The following RIC1 variants were observed in gnomAD, a reference collection of about 807,000 sequenced individuals.
The protein encoded by RIC1 is guanine nucleotide exchange factor subunit RIC1.
Under a neutral mutation model 169.0 loss-of-function variants are expected in RIC1, and 88 were observed. That is an observed-to-expected ratio of 0.52 (90% CI 0.44 to 0.62). The LOEUF is 0.62. RIC1 is among the 20% of genes least tolerant of loss of function. The pLI, the probability that RIC1 is intolerant of heterozygous loss-of-function variation, is 0.00. For missense variants in RIC1, 1,877 were observed against 1,725.5 expected (o/e 1.09, Z -1.56); for synonymous variants, 790 against 601.5 (o/e 1.31, Z -4.59).
chr9:5,764,563 A>T (rs1338755388), intron 19 of RIC1, among the ~76,000 whole-genome samples: 2 of 152,242 alleles, frequency 1.3e-5, no homozygotes, highest in Non-Finnish European at 2.9e-5. Context: ...TAAGAAGCTA[A>T]CCATAAACCT....
intron 6 of RIC1, among the ~76,000 whole-genome samples, chr9:5,732,129 T>G (rs1338932985): frequency 1.3e-5 from 2 of 152,198 alleles, no homozygotes; most frequent in Non-Finnish European, 2.9e-5. Flanking sequence ...TATTTTAGTG[T>G]TTTTTAAATA....
At chr9:5,683,015 C>T (rs2130657562) in intron 2 of RIC1, among the ~76,000 whole-genome samples, 1 of 152,356 alleles carries the variant, frequency 6.6e-6, no homozygotes, top group East Asian at 1.9e-4. Context: ...TCAGCTCCAT[C>T]AGGTCCTTTA....
Position 5,686,895 on chromosome 9 carries a change from T to C in RIC1, c.253-3064T>C, listed in dbSNP as rs184813241. On this transcript the variant is annotated intron_variant, in intron 2 of 25. Coordinates refer to ENST00000414202, the MANE Select transcript of RIC1 (RefSeq NM_020829.4). ...GGAAGTGGTTCCTTCTCTTTGGTGT[T>C]CTGGAAGAGTCTGTATTCAACTGAT... 9.8e-4 allele frequency among the ~76,000 whole-genome samples: 149 copies of C among 152,308 alleles called. 1 individual carries two copies. The highest frequency in any genetic ancestry group is 3.3e-3 in the African/African-American group (137 of 41,574).
At chr9:5,751,425 G>A (rs527449993) in intron 12 of RIC1, among the ~76,000 whole-genome samples, 8 of 151,774 alleles carry the variant, frequency 5.3e-5, no homozygotes, top group Non-Finnish European at 5.9e-5. Context: ...GTGCAATCTC[G>A]GCTCACTGCA....
intron 2 of RIC1, among the ~76,000 whole-genome samples, chr9:5,669,669 A>T (rs974132314): frequency 6.6e-6 from 1 of 152,136 alleles, no homozygotes; most frequent in Non-Finnish European, 1.5e-5. Context: ...TTTTTTGGGG[A>T]CTATCGCAGT....
In RIC1 at chr9:5,747,447, G is replaced by A. The variant is rs754497180; in HGVS notation, c.1394G>A (p.Gly465Asp). The A allele has an allele frequency of 3.1e-6, 5 of 1,614,108 alleles. No homozygotes were observed. The highest frequency in any genetic ancestry group is 1.3e-5 in the African/African-American group (1 of 75,042). The change falls in exon 12 of 26, where the codon GGT becomes GAT. Residue 465 changes from glycine (G) to aspartate (D), a missense_variant. Gly to Asp is a moderately conservative substitution (Grantham distance 94). This residue lies in a region of RIC1 where 1,104 missense variants were observed against 992.0 expected (regional missense o/e 1.11). Transcript: ENST00000414202. ...GAAAAGAGCCCATTTGCAGATGGAG[G>A]TTTAGAGTCTCAGGGATTAAGCACT... The part of the protein sequence containing the change: ...SREKSPFADG[G>D]LESQGLSTLL...
chr9:5,725,330 C>T (rs934549694), intron 6 of RIC1, among the ~76,000 whole-genome samples: 9 of 152,264 alleles, frequency 5.9e-5, no homozygotes, highest in African/African-American at 2.2e-4. Flanking sequence ...TCTAGAGTTT[C>T]TAGTTTATTT....
At chr9:5,661,149 G>A (rs1021762764) in intron 2 of RIC1, among the ~76,000 whole-genome samples, 10 of 151,820 alleles carry the variant, frequency 6.6e-5, no homozygotes, top group African/African-American at 2.4e-4. Flanking sequence ...GGTGTAGGTG[G>A]GTGTTCTTGT....
chr9:5,656,286 G>C (rs1473938401), intron 1 of RIC1, among the ~76,000 whole-genome samples: 1 of 152,122 alleles, frequency 6.6e-6, no homozygotes, highest in Non-Finnish European at 1.5e-5. Flanking sequence ...AAGAATTGGT[G>C]TAATTTCTCC....
At chr9:5,643,462 T>A (rs1029080617) in intron 1 of RIC1, among the ~76,000 whole-genome samples, 4 of 152,148 alleles carry the variant, frequency 2.6e-5, no homozygotes, top group African/African-American at 9.7e-5. Context: ...GAGCCATGAT[T>A]GCACTATGGC....
chr9:5,652,012 A>G (rs147323513), intron 1 of RIC1, among the ~76,000 whole-genome samples: 1 of 152,228 alleles, frequency 6.6e-6, no homozygotes, highest in Admixed American at 6.5e-5. Flanking sequence ...TGTTTTTTGA[A>G]AATCAGTTGG....
chr9:5,654,535 A>G (rs1818977354), intron 1 of RIC1, among the ~76,000 whole-genome samples: 1 of 151,994 alleles, frequency 6.6e-6, no homozygotes, highest in Non-Finnish European at 1.5e-5. Context: ...GGCGTGAGCC[A>G]CTGTGCCCAG....
In RIC1 at chr9:5,770,190, C is replaced by T. The variant is rs764396690; in HGVS notation, c.3528C>T (p.Asn1176=). The part of the protein sequence containing the change: ...NIQRSQSWLS[N]IGPTHHEIDT... ...AGCGAAGTCAGAGCTGGCTCAGCAA[C>T]ATTGGCCCCACCCATCATGAGATAG... The change falls in exon 23 of 26, where the codon AAC becomes AAT. Residue 1176 remains asparagine, a synonymous_variant. Transcript: ENST00000414202. 3 of 1,613,940 alleles carry T rather than the reference C, an allele frequency of 1.9e-6. No homozygotes were observed. The highest frequency in any genetic ancestry group is 3.3e-5 in the Admixed American group (2 of 60,000).
intron 2 of RIC1, among the ~76,000 whole-genome samples, chr9:5,688,665 A>T (rs186307205): frequency 6.6e-6 from 1 of 152,288 alleles, no homozygotes; most frequent in East Asian, 1.9e-4. Context: ...AGTAAAGTTA[A>T]TGGTCAAAAA....
chr9:5,637,497 T>G (rs1323353699), intron 1 of RIC1, among the ~76,000 whole-genome samples: 3 of 152,234 alleles, frequency 2.0e-5, no homozygotes, highest in Admixed American at 2.0e-4. Context: ...TTTTAAAATA[T>G]ACAATTAAAT....
At chr9:5,720,547 G>T in intron 5 of RIC1, 67 bp from the exon 6 acceptor site, 2 of 1,450,344 alleles carry the variant, frequency 1.4e-6, no homozygotes, top group Non-Finnish European at 9.3e-7. Context: ...AGGTTTTTCT[G>T]GCAAAAAGTG....
At chr9:5,745,886 C>T in intron 10 of RIC1, 45 bp from the exon 11 acceptor site, 1 of 1,549,006 alleles carries the variant, frequency 6.5e-7, no homozygotes, top group South Asian at 1.2e-5. Flanking sequence ...GATACAAAAG[C>T]CTTTTATTGC....
Position 5,747,439 on chromosome 9 carries a change from A to G in RIC1, c.1386A>G (p.Ala462=). The change falls in exon 12 of 26, where the codon GCA becomes GCG. Residue 462 remains alanine (A), a synonymous_variant. Transcript: ENST00000414202. ...CCAGTCGAGAAAAGAGCCCATTTGC[A>G]GATGGAGGTTTAGAGTCTCAGGGAT... The part of the protein sequence containing the change: ...HKPSREKSPF[A]DGGLESQGLS... 6.2e-7 allele frequency: 1 copy of G among 1,614,012 alleles called. No homozygotes were observed. Among genetic ancestry groups the G allele is most frequent in the East Asian group, 2.2e-5 (1 of 44,896 alleles).
intron 2 of RIC1, 40 bp downstream of exon 2, chr9:5,656,730 A>G: frequency 1.8e-6 from 2 of 1,107,824 alleles, no homozygotes; most frequent in South Asian, 1.3e-5. Flanking sequence ...TTCTTATGAA[A>G]TCATTACATC....
Sources: allele counts gnomAD v4.1 joint callset (sites outside exome capture counted in the v4.1 genomes callset), GRCh38; gene constraint gnomAD v4.1.1; regional missense constraint gnomAD v4.1.1; transcripts MANE v1.5; gene names NCBI Gene and HGNC (gene_info 2026-07-23, HGNC 2026-07-21).